Variants in NALF1 observed in about 807,000 individuals in gnomAD.
The protein encoded by NALF1 is family with sequence similarity 155 member A.
NALF1 carries 3 observed loss-of-function variants against 48.4 expected under a neutral mutation model. The ratio of observed to expected loss-of-function variants is 0.06; its 90% CI spans 0.03 to 0.16. The LOEUF (loss-of-function observed/expected upper bound fraction) is 0.16. Ranked by LOEUF, NALF1 falls within the 10% of genes least tolerant of loss-of-function variation. The probability of loss-of-function intolerance (pLI) is 1.00; values close to 1 mark genes in which losing one functional copy is unlikely to be tolerated. For synonymous variants in NALF1, 262 were observed against 245.7 expected (o/e 1.07, Z -0.62); for missense variants, 526 against 571.5 (o/e 0.92, Z 0.81).
chr13:107,747,111 G>A (rs960104773), intron 1 of NALF1, among the ~76,000 whole-genome samples: 2 of 152,194 alleles, frequency 1.3e-5, no homozygotes, highest in African/African-American at 4.8e-5. Context: ...ATGCATGTAC[G>A]TTATTGAACA....
chr13:107,232,948 C>G (rs1880257813), intron 1 of NALF1, among the ~76,000 whole-genome samples: 2 of 152,184 alleles, frequency 1.3e-5, no homozygotes, highest in African/African-American at 4.8e-5. Context: ...AGCCAAAACA[C>G]TTGCCTATGG....
chr13:107,316,494 A>G, intron 1 of NALF1, among the ~76,000 whole-genome samples: 1 of 152,174 alleles, frequency 6.6e-6, no homozygotes, highest in East Asian at 1.9e-4. Flanking sequence ...CAATGGTTGA[A>G]CTAGTTTACA....
chr13:107,686,761 C>T (rs1881442130), intron 1 of NALF1, among the ~76,000 whole-genome samples: 1 of 152,084 alleles, frequency 6.6e-6, no homozygotes, highest in African/African-American at 2.4e-5. Flanking sequence ...TCATCTCATA[C>T]CAGTCAGAAT....
At chr13:107,368,004 T>C (rs1346385048) in intron 1 of NALF1, among the ~76,000 whole-genome samples, 4 of 152,232 alleles carry the variant, frequency 2.6e-5, no homozygotes, top group Admixed American at 6.5e-5. Context: ...AATACTTTCA[T>C]GTGAATAATT....
intron 1 of NALF1, among the ~76,000 whole-genome samples, chr13:107,774,567 C>T (rs1044279714): frequency 6.6e-6 from 1 of 152,136 alleles, no homozygotes; most frequent in African/African-American, 2.4e-5. Context: ...AAATACATTT[C>T]TTACCTAACA....
At chr13:107,744,053 G>A (rs989885901) in intron 1 of NALF1, among the ~76,000 whole-genome samples, 1 of 152,158 alleles carries the variant, frequency 6.6e-6, no homozygotes, top group Non-Finnish European at 1.5e-5. Flanking sequence ...CAGCAGTCTG[G>A]ATGAAAAAGA....
chr13:107,702,099 G>A (rs76324875), intron 1 of NALF1, among the ~76,000 whole-genome samples: 226 of 152,258 alleles, frequency 1.5e-3, no homozygotes, highest in African/African-American at 5.2e-3. Context: ...AAGAGTAAAG[G>A]TAGCTATACA....
intron 1 of NALF1, among the ~76,000 whole-genome samples, chr13:107,427,901 T>C (rs754074536): frequency 6.6e-6 from 1 of 152,174 alleles, no homozygotes; most frequent in Admixed American, 6.5e-5. Flanking sequence ...TAAAGAACAA[T>C]GCAATTCAAT....
intron 2 of NALF1, among the ~76,000 whole-genome samples, chr13:107,200,438 G>C (rs1242741272): frequency 6.6e-6 from 1 of 152,190 alleles, no homozygotes; most frequent in East Asian, 1.9e-4. Context: ...AGGGAATTAG[G>C]ACTTCGAGCG....
intron 1 of NALF1, among the ~76,000 whole-genome samples, chr13:107,329,121 C>A (rs1400098282): frequency 6.6e-6 from 1 of 152,170 alleles, no homozygotes; most frequent in African/African-American, 2.4e-5. Context: ...AAATGTGCAA[C>A]ATTCAAGAAC....
At chr13:107,244,366 C>CT in intron 1 of NALF1, among the ~76,000 whole-genome samples, 1 of 152,328 alleles carries the variant, frequency 6.6e-6, no homozygotes, top group South Asian at 2.1e-4. Context: ...GCCACATCCC[C>CT]TATTTACTTC....
chr13:107,587,673 G>C (rs1878497024), intron 1 of NALF1, among the ~76,000 whole-genome samples: 1 of 152,126 alleles, frequency 6.6e-6, no homozygotes, highest in African/African-American at 2.4e-5. Context: ...CAATAACATG[G>C]GCAGTCTGAG....
At chr13:107,278,221 C>T (rs1162114634) in intron 1 of NALF1, among the ~76,000 whole-genome samples, 5 of 152,084 alleles carry the variant, frequency 3.3e-5, no homozygotes, top group Non-Finnish European at 7.4e-5. Flanking sequence ...CTTTTCTAGC[C>T]CCATTCGTAC....
At chr13:107,170,969 T>C (rs561472876) in intron 2 of NALF1, among the ~76,000 whole-genome samples, 183 bp from the exon 3 acceptor site, 1 of 152,360 alleles carries the variant, frequency 6.6e-6, no homozygotes, top group East Asian at 1.9e-4. Context: ...CCAGTATTGT[T>C]AGATTCCTCA....
At chr13:107,542,115 T>C (rs913337491) in intron 1 of NALF1, among the ~76,000 whole-genome samples, 1 of 152,006 alleles carries the variant, frequency 6.6e-6, no homozygotes, top group Non-Finnish European at 1.5e-5. Flanking sequence ...AACCAAAATG[T>C]AGTTTATCTG....
chr13:107,792,491 G>A (rs1209638819), intron 1 of NALF1, among the ~76,000 whole-genome samples: 1 of 152,046 alleles, frequency 6.6e-6, no homozygotes, highest in Admixed American at 6.6e-5. Flanking sequence ...CTTGGTATCT[G>A]AGCCTAGTAA....
At chr13:107,356,455 C>T (rs922180807) in intron 1 of NALF1, among the ~76,000 whole-genome samples, 9 of 152,090 alleles carry the variant, frequency 5.9e-5, no homozygotes, top group Admixed American at 4.6e-4. Context: ...CTATATAACA[C>T]CAAAGAAAAC....
chr13:107,665,385 G>C (rs1297100846), intron 1 of NALF1, among the ~76,000 whole-genome samples: 8 of 152,090 alleles, frequency 5.3e-5, no homozygotes, highest in Non-Finnish European at 4.4e-5. Context: ...TATCATGATA[G>C]TTCTTACTCT....
At chr13:107,182,778 A>C (rs1351188812) in intron 2 of NALF1, among the ~76,000 whole-genome samples, 1 of 152,158 alleles carries the variant, frequency 6.6e-6, no homozygotes, top group African/African-American at 2.4e-5. Flanking sequence ...GATGTTTCAA[A>C]TCTATTTATT....
Sources: allele counts gnomAD v4.1 joint callset (sites outside exome capture counted in the v4.1 genomes callset), GRCh38; gene constraint gnomAD v4.1.1; transcripts MANE v1.5; gene names NCBI Gene and HGNC (gene_info 2026-07-23, HGNC 2026-07-21).